Variants in MORC3 observed in about 807,000 individuals in gnomAD.
The protein encoded by MORC3 is MORC family CW-type zinc finger protein 3.
MORC3 carries 31 observed loss-of-function variants against 109.1 expected under a neutral mutation model. The observed-to-expected ratio is 0.28, with a 90% CI of 0.21 to 0.38. The LOEUF (loss-of-function observed/expected upper bound fraction) is 0.38, where lower values mean the gene tolerates loss of function less well. Ranked by LOEUF, MORC3 falls within the 10% of genes least tolerant of loss-of-function variation. MORC3 has a pLI of 1.00. For synonymous variants in MORC3, 395 were observed against 380.7 expected (o/e 1.04, Z -0.44); for missense variants, 867 against 1,135.8 (o/e 0.76, Z 3.40).
chr21:36,358,074 TTTTCAAA>T (rs1482872520), intron 10 of MORC3, among the ~76,000 whole-genome samples: 24 of 152,132 alleles, frequency 1.6e-4, no homozygotes, highest in African/African-American at 5.8e-4. Context: ...TCTAAATGCT[TTTTCAAA>T]GCTAGATTTA....
chr21:36,349,459 C>T (rs1300932021), intron 9 of MORC3, 51 bp downstream of exon 9: 1 of 1,235,674 alleles, frequency 8.1e-7, no homozygotes, highest in Non-Finnish European at 1.1e-6. Flanking sequence ...AATGTATTAC[C>T]AAGAAAGCAG....
intron 1 of MORC3, among the ~76,000 whole-genome samples, chr21:36,327,197 C>T (rs1284610840): frequency 6.0e-5 from 8 of 132,416 alleles, no homozygotes; most frequent in South Asian, 2.5e-4. Flanking sequence ...CAGACACTCC[C>T]AGGCTGGAGT....
At chr21:36,320,497 C>A in intron 1 of MORC3, 194 bp downstream of exon 1, 1 of 446,466 alleles carries the variant, frequency 2.2e-6, no homozygotes, top group South Asian at 9.2e-5. Flanking sequence ...TGCGTTCCGT[C>A]GCCTCTGCAT....
At chr21:36,351,551 T>G (rs1008213195) in intron 9 of MORC3, among the ~76,000 whole-genome samples, 2 of 152,068 alleles carry the variant, frequency 1.3e-5, no homozygotes, top group Non-Finnish European at 2.9e-5. Flanking sequence ...ATACCTGACT[T>G]ACTTCACTTA....
intron 14 of MORC3, 85 bp downstream of exon 14, chr21:36,364,344 G>T: frequency 1.5e-6 from 2 of 1,373,648 alleles, no homozygotes; most frequent in South Asian, 2.5e-5. Context: ...TGCAATTCGG[G>T]ATCATTGTAG....
At position 36,375,227 on chromosome 21, in the gene MORC3, C is replaced by T. The variant is rs116846998; in HGVS notation, c.2751C>T (p.Tyr917=). The T allele has an allele frequency of 3.9e-4, 622 of 1,613,670 alleles. 6 individuals are homozygous for T. The East Asian group carries it at 0.012, about 31-fold the overall frequency. Residue 917 remains tyrosine, a synonymous_variant, in exon 17 of 17, where the codon TAC becomes TAT. Coordinates refer to ENST00000400485, the MANE Select transcript of MORC3 (RefSeq NM_015358.3). ...ATCTTGATCTTCAGCAAGTGAATTA[C>T]GATGTTGATGTAGTTGATGAGATTT... The part of the protein sequence containing the change: ...VPDLDLQQVN[Y]DVDVVDEILG...
intron 5 of MORC3, among the ~76,000 whole-genome samples, chr21:36,340,611 T>C (rs1366401911): frequency 6.7e-6 from 1 of 150,084 alleles, no homozygotes; most frequent in Non-Finnish European, 1.5e-5. Flanking sequence ...CTTTTTTTTT[T>C]CTTTCTTTTC....
In MORC3 at chr21:36,333,675, T is replaced by C; in HGVS notation, c.69T>C (p.Ser23=). 2.5e-6 allele frequency: 4 copies of C among 1,613,842 alleles called. No individual in the cohort carries two copies. The highest frequency in any genetic ancestry group is 1.3e-5 in the African/African-American group (1 of 75,050). The change falls in exon 2 of 17, where the codon TCT becomes TCC. Residue 23 remains serine, a synonymous_variant. Coordinates refer to ENST00000400485, the MANE Select transcript of MORC3 (RefSeq NM_015358.3). ...GCCCGAAGTTTTTACATACAAATTC[T>C]ACTAGTCACACCTGGCCATTCAGTG... is the stretch of plus-strand genomic sequence containing the variant. ...ALCPKFLHTN[S]TSHTWPFSAV... is the part of the protein sequence containing the mutation.
At chr21:36,352,003 A>C (rs947537587) in intron 9 of MORC3, among the ~76,000 whole-genome samples, 1 of 151,778 alleles carries the variant, frequency 6.6e-6, no homozygotes, top group African/African-American at 2.4e-5. Context: ...TCATAGAATT[A>C]AAAGTCTTAA....
intron 16 of MORC3, among the ~76,000 whole-genome samples, chr21:36,372,767 C>T (rs2146345747): frequency 6.6e-6 from 1 of 152,212 alleles, no homozygotes; most frequent in South Asian, 2.1e-4. Flanking sequence ...AGGGATAAAG[C>T]ATTTGATTGG....
At chr21:36,321,305 G>A (rs1441755541) in intron 1 of MORC3, among the ~76,000 whole-genome samples, 1 of 152,096 alleles carries the variant, frequency 6.6e-6, no homozygotes, top group Non-Finnish European at 1.5e-5. Flanking sequence ...GCGTTTCCTT[G>A]ACTGTTTGTG....
intron 1 of MORC3, among the ~76,000 whole-genome samples, chr21:36,325,557 C>A (rs1194377615): frequency 6.6e-6 from 1 of 152,158 alleles, no homozygotes; most frequent in African/African-American, 2.4e-5. Flanking sequence ...AACCAGTCTC[C>A]AGAACTCTTC....
chr21:36,321,548 C>CT (rs746656195), intron 1 of MORC3, among the ~76,000 whole-genome samples: 2,662 of 139,098 alleles, frequency 0.019, 44 homozygotes, highest in Non-Finnish European at 0.031. Context: ...TTCTTTTTTT[C>CT]TTTTTTTTTT....
At chr21:36,323,679 C>T (rs1601504493) in intron 1 of MORC3, among the ~76,000 whole-genome samples, 2 of 152,176 alleles carry the variant, frequency 1.3e-5, no homozygotes, top group South Asian at 2.1e-4. Flanking sequence ...ATTTTAAAGA[C>T]GTGCTTGATT....
chr21:36,362,188 A>G lies in MORC3; in HGVS notation c.1412A>G (p.Lys471Arg). The G allele has an allele frequency of 1.2e-6, 2 of 1,613,098 alleles. No individual in the cohort carries two copies. Among genetic ancestry groups the G allele is most frequent in the South Asian group, 2.2e-5 (2 of 90,810 alleles). The change falls in exon 13 of 17, where the codon AAG becomes AGG. Residue 471 changes from lysine (K) to arginine (R), a missense_variant. Lys to Arg is a conservative substitution (Grantham distance 26). This residue lies in a region of MORC3 where 486 missense variants were observed against 502.1 expected (regional missense o/e 0.97). Transcript: ENST00000400485. ...TYEKTYKKTN[K>R]EKFRIRQPEM... ...TTTTCATCTTTATTTTAAAGCAACA[A>G]GGAAAAATTCAGGATCAGACAACCG...
intron 1 of MORC3, chr21:36,333,294 A>G: frequency 4.8e-6 from 1 of 207,156 alleles, no homozygotes. Context: ...GTCTCAGAAT[A>G]GAGAAATTAG....
At chr21:36,331,452 G>A (rs752702787) in intron 1 of MORC3, among the ~76,000 whole-genome samples, 6 of 152,110 alleles carry the variant, frequency 3.9e-5, no homozygotes, top group Non-Finnish European at 8.8e-5. Context: ...CAAAAAATTA[G>A]CTGGGCATGG....
At position 36,340,138 on chromosome 21, in the gene MORC3, C is replaced by T. The variant is rs1053562976; in HGVS notation, c.608+1217C>T. The stretch of plus-strand genomic sequence containing the variant: ...CTAAAATTACAAAAAATTAGCTGGG[C>T]GCGGTGGCGGGCGCCTGTAGTCCCA... On this transcript the variant is annotated intron_variant, in intron 5 of 16. Coordinates refer to ENST00000400485, the MANE Select transcript of MORC3 (RefSeq NM_015358.3). Among the ~76,000 whole-genome samples, 7 of 152,110 alleles carry T rather than the reference C, an allele frequency of 4.6e-5. 1 individual carries two copies. Among genetic ancestry groups the T allele is most frequent in the African/African-American group, 1.7e-4 (7 of 41,520 alleles).
intron 15 of MORC3, among the ~76,000 whole-genome samples, chr21:36,371,844 G>A (rs2085873095): frequency 1.4e-5 from 2 of 144,172 alleles, no homozygotes; most frequent in Admixed American, 7.0e-5. Flanking sequence ...ATGGAACTTC[G>A]CTCTTGTTGC....
Sources: allele counts gnomAD v4.1 joint callset (sites outside exome capture counted in the v4.1 genomes callset), GRCh38; gene constraint gnomAD v4.1.1; regional missense constraint gnomAD v4.1.1; transcripts MANE v1.5; gene names NCBI Gene and HGNC (gene_info 2026-07-23, HGNC 2026-07-21).